Variants in MGME1 observed in about 807,000 individuals in gnomAD.
MGME1 encodes mitochondrial genome maintenance exonuclease 1.
Under a neutral mutation model 33.0 loss-of-function variants are expected in MGME1, and 22 were observed. The ratio of observed to expected loss-of-function variants is 0.67; its 90% CI spans 0.48 to 0.95. The LOEUF (loss-of-function observed/expected upper bound fraction) is 0.95, where lower values mean the gene tolerates loss of function less well. MGME1 is among the 40% of genes least tolerant of loss of function. The pLI, the probability that MGME1 is intolerant of heterozygous loss-of-function variation, is 0.00. For synonymous variants in MGME1, 133 were observed against 144.0 expected, an observed-to-expected ratio of 0.92 and a Z score of 0.55; for missense variants, 383 against 397.8, an observed-to-expected ratio of 0.96 and a Z score of 0.32.
intron 3 of MGME1, among the ~76,000 whole-genome samples, chr20:17,977,738 A>G (rs2035905112): frequency 2.0e-5 from 3 of 152,186 alleles, no homozygotes; most frequent in Non-Finnish European, 4.4e-5. Flanking sequence ...CTGTTTAGTA[A>G]ACATTATTAA....
chr20:17,980,869 A>C (rs538602815), intron 3 of MGME1, among the ~76,000 whole-genome samples: 1 of 152,130 alleles, frequency 6.6e-6, no homozygotes, highest in Non-Finnish European at 1.5e-5. Context: ...TTTCTCATGT[A>C]ATAATTTTCC....
rs1037243061 is a variant in MGME1, at chr20:17,990,498, C to T, written c.*389C>T. On this transcript the variant is annotated 3_prime_UTR_variant, in exon 5 of 5. Transcript: ENST00000377710. Reference sequence around the variant, plus strand: ...TGAGGCTGAGGGTGCCAAGATTTCCCCAGGGTTCACCCAGAGGGGAAGGGG... The same window carrying T: ...TGAGGCTGAGGGTGCCAAGATTTCCTCAGGGTTCACCCAGAGGGGAAGGGG... 9 of 305,712 alleles carry T rather than the reference C, an allele frequency of 2.9e-5. No homozygotes were observed. The highest frequency in any genetic ancestry group is 2.9e-4 in the East Asian group (4 of 13,814). 18.9% of individuals were successfully genotyped at this position (305,712 alleles called of 1,614,324 possible).
chr20:17,979,227 C>A (rs551595023), intron 3 of MGME1, among the ~76,000 whole-genome samples: 1 of 151,546 alleles, frequency 6.6e-6, no homozygotes, highest in African/African-American at 2.4e-5. Flanking sequence ...CAGATGCGAA[C>A]AACCACGCCC....
intron 2 of MGME1, among the ~76,000 whole-genome samples, chr20:17,974,317 G>C (rs1045866556): frequency 1.3e-5 from 2 of 152,086 alleles, no homozygotes; most frequent in African/African-American, 2.4e-5. Context: ...CGCCTGCCTT[G>C]GCTGCCCAAA....
At chr20:17,970,954 T>G (rs1323566377) in intron 2 of MGME1, among the ~76,000 whole-genome samples, 1 of 152,228 alleles carries the variant, frequency 6.6e-6, no homozygotes, top group Non-Finnish European at 1.5e-5. Flanking sequence ...TCCTTAAATT[T>G]AATATTCCAT....
chr20:17,973,004 C>G (rs2035768162), intron 2 of MGME1, among the ~76,000 whole-genome samples: 1 of 152,114 alleles, frequency 6.6e-6, no homozygotes, highest in Non-Finnish European at 1.5e-5. Flanking sequence ...TCATTTAACT[C>G]TCCAAATAAT....
chr20:17,981,134 G>A (rs2036007718), intron 3 of MGME1, among the ~76,000 whole-genome samples: 3 of 151,974 alleles, frequency 2.0e-5, no homozygotes, highest in African/African-American at 7.3e-5. Flanking sequence ...AGCATCAGGA[G>A]AACCTAAGAA....
At chr20:17,975,503 G>A (rs1370889444) in intron 2 of MGME1, among the ~76,000 whole-genome samples, 181 bp from the exon 3 acceptor site, 1 of 150,228 alleles carries the variant, frequency 6.7e-6, no homozygotes, top group East Asian at 1.9e-4. Flanking sequence ...GTTGCAGTGA[G>A]CCAATATCGC....
intron 3 of MGME1, among the ~76,000 whole-genome samples, chr20:17,979,442 T>A (rs2035948170): frequency 1.3e-5 from 2 of 151,640 alleles, no homozygotes; most frequent in African/African-American, 4.8e-5. Flanking sequence ...GATGGAGTCT[T>A]GCTCTGTCAC....
At chr20:17,974,061 GT>G (rs34206000) in intron 2 of MGME1, among the ~76,000 whole-genome samples, 8,085 of 85,130 alleles carry the variant, frequency 0.095, 147 homozygotes, top group Middle Eastern at 0.14. Context: ...CTCTTTGTGT[GT>G]TTTTTTTTTT....
chr20:17,974,074 T>TTTG (rs2035799146), intron 2 of MGME1, among the ~76,000 whole-genome samples: 1 of 146,882 alleles, frequency 6.8e-6, no homozygotes, highest in Non-Finnish European at 1.5e-5. Flanking sequence ...TTTTTTTTTT[T>TTTG]TTTTTTTTTT....
intron 2 of MGME1, among the ~76,000 whole-genome samples, chr20:17,974,061 GTTTTTTTTTTT>G (rs34206000): frequency 8.2e-5 from 7 of 85,474 alleles, no homozygotes; most frequent in African/African-American, 2.8e-4. Flanking sequence ...CTCTTTGTGT[GTTTTTTTTTTT>G]TTTTTTTTTT....
At chr20:17,984,554 CTA>C (rs1409597574) in intron 3 of MGME1, among the ~76,000 whole-genome samples, 6 of 152,044 alleles carry the variant, frequency 3.9e-5, no homozygotes, top group African/African-American at 1.5e-4. Flanking sequence ...TAATAAACAA[CTA>C]TTACTGGCAT....
At chr20:17,978,105 G>T (rs1259956224) in intron 3 of MGME1, among the ~76,000 whole-genome samples, 1 of 152,058 alleles carries the variant, frequency 6.6e-6, no homozygotes, top group African/African-American at 2.4e-5. Flanking sequence ...ATCAGCTATT[G>T]TGTGGCCCAA....
At chr20:17,977,769 C>A (rs1485677292) in intron 3 of MGME1, among the ~76,000 whole-genome samples, 1 of 152,160 alleles carries the variant, frequency 6.6e-6, no homozygotes, top group Non-Finnish European at 1.5e-5. Flanking sequence ...TAACCTTAAA[C>A]ATCTAGAGGC....
intron 3 of MGME1, among the ~76,000 whole-genome samples, chr20:17,978,909 T>G (rs2035934227): frequency 6.6e-6 from 1 of 151,876 alleles, no homozygotes; most frequent in Non-Finnish European, 1.5e-5. Context: ...CCCAAGTGGC[T>G]AGGACTACAG....
intron 3 of MGME1, among the ~76,000 whole-genome samples, chr20:17,987,188 A>T (rs57983994): frequency 7.7e-6 from 1 of 129,614 alleles, no homozygotes; most frequent in Non-Finnish European, 1.5e-5. Flanking sequence ...AAAAAAAAAA[A>T]AGAAGAACCA....
At chr20:17,975,189 G>A (rs1006191751) in intron 2 of MGME1, among the ~76,000 whole-genome samples, 11 of 152,094 alleles carry the variant, frequency 7.2e-5, no homozygotes, top group African/African-American at 2.2e-4. Context: ...TAATAATCCC[G>A]TTGGTTTCAA....
intron 3 of MGME1, among the ~76,000 whole-genome samples, chr20:17,983,333 G>C (rs2036080985): frequency 6.9e-6 from 1 of 144,568 alleles, no homozygotes; most frequent in Non-Finnish European, 1.5e-5. Flanking sequence ...TTTATCCATA[G>C]ATGGACACTT....
Sources: allele counts gnomAD v4.1 joint callset (sites outside exome capture counted in the v4.1 genomes callset), GRCh38; gene constraint gnomAD v4.1.1; transcripts MANE v1.5; gene names NCBI Gene and HGNC (gene_info 2026-07-23, HGNC 2026-07-21).